The following MBNL1 variants were observed in gnomAD, a reference collection of about 807,000 sequenced individuals.
The protein encoded by MBNL1 is muscleblind like splicing regulator 1, also known as muscleblind-like protein 1.
Under a neutral mutation model 42.2 loss-of-function variants are expected in MBNL1, and 8 were observed. The observed-to-expected ratio is 0.19, with a 90% CI of 0.11 to 0.34. The LOEUF (loss-of-function observed/expected upper bound fraction) is 0.34. MBNL1 is among the 10% of genes least tolerant of loss of function. The probability of loss-of-function intolerance (pLI) is 1.00; values close to 1 mark genes in which losing one functional copy is unlikely to be tolerated. For synonymous variants in MBNL1, 169 were observed against 173.9 expected, an observed-to-expected ratio of 0.97 and a Z score of 0.22; for missense variants, 309 against 495.3, an observed-to-expected ratio of 0.62 and a Z score of 3.57.
At chr3:152,382,696 G>A (rs1489694629) in intron 2 of MBNL1, among the ~76,000 whole-genome samples, 1 of 152,096 alleles carries the variant, frequency 6.6e-6, no homozygotes, top group East Asian at 1.9e-4. Flanking sequence ...AAAAGGAGTT[G>A]AATAGGTTTC....
At chr3:152,373,218 AT>A (rs1390800879) in intron 2 of MBNL1, among the ~76,000 whole-genome samples, 1 of 151,752 alleles carries the variant, frequency 6.6e-6, no homozygotes, top group East Asian at 1.9e-4. Context: ...AAGCCAGTGG[AT>A]TTTAGCTTGC....
At chr3:152,339,072 A>G (rs983471169) in intron 2 of MBNL1, among the ~76,000 whole-genome samples, 1 of 152,178 alleles carries the variant, frequency 6.6e-6, no homozygotes, top group Non-Finnish European at 1.5e-5. Flanking sequence ...AAAACCAAAA[A>G]CATTTAATGA....
In MBNL1 at chr3:152,269,086, G is replaced by GT. The variant is rs1156903513; in HGVS notation, c.-795dup. The stretch of plus-strand genomic sequence containing the variant: ...GTGGGGCCGCCTCTGAAAAAAAAAT[G>GT]TGAGAGGTAAGTTTCCATTTTCACA... On this transcript the variant is annotated 5_prime_UTR_variant, in exon 1 of 10. It removes the in-frame stop codon of an upstream open reading frame in the 5' UTR. Transcript: ENST00000324210. 8 of 454,980 alleles carry GT rather than the reference G, an allele frequency of 1.8e-5. No homozygotes were observed. Among genetic ancestry groups the GT allele is most frequent in the Non-Finnish European group, 3.5e-5 (8 of 226,710 alleles). 28.2% of individuals were successfully genotyped at this position (454,980 alleles called of 1,614,324 possible). A position where few individuals can be genotyped will look rare whatever the true frequency, so the allele number is the denominator to read the frequency against.
intron 3 of MBNL1, among the ~76,000 whole-genome samples, chr3:152,431,794 T>A (rs1362119343): frequency 6.6e-6 from 1 of 152,210 alleles, no homozygotes; most frequent in African/African-American, 2.4e-5. Context: ...AGGTATGAAA[T>A]TGTGTTCTGT....
chr3:152,368,742 T>C (rs1206661688), intron 2 of MBNL1, among the ~76,000 whole-genome samples: 1 of 152,188 alleles, frequency 6.6e-6, no homozygotes, highest in East Asian at 1.9e-4. Flanking sequence ...TCCTTGTAAG[T>C]TATATTCCTA....
At chr3:152,313,772 A>G (rs1192711355) in intron 2 of MBNL1, among the ~76,000 whole-genome samples, 1 of 152,228 alleles carries the variant, frequency 6.6e-6, no homozygotes, top group East Asian at 1.9e-4. Context: ...GTGTGCACAT[A>G]CTAGCTTATT....
intron 2 of MBNL1, among the ~76,000 whole-genome samples, chr3:152,411,632 A>G (rs1377661216): frequency 6.6e-6 from 1 of 152,218 alleles, no homozygotes; most frequent in African/African-American, 2.4e-5. Context: ...GATTTAGAGT[A>G]GTAGCTCCAA....
intron 1 of MBNL1, among the ~76,000 whole-genome samples, chr3:152,295,581 G>C (rs2058212424): frequency 6.6e-6 from 1 of 152,122 alleles, no homozygotes; most frequent in Non-Finnish European, 1.5e-5. Context: ...GAAGACACTG[G>C]ACCTACACCC....
intron 2 of MBNL1, among the ~76,000 whole-genome samples, chr3:152,319,179 A>G (rs1560125161): frequency 6.6e-6 from 1 of 152,202 alleles, no homozygotes; most frequent in Non-Finnish European, 1.5e-5. Flanking sequence ...TGGGGGGCCT[A>G]AGTTTAAAAT....
At chr3:152,336,250 T>G (rs567039687) in intron 2 of MBNL1, among the ~76,000 whole-genome samples, 1 of 151,514 alleles carries the variant, frequency 6.6e-6, no homozygotes, top group South Asian at 2.1e-4. Context: ...CTCTTCCACT[T>G]TTTTGGGGGT....
In MBNL1 at chr3:152,244,690, C is replaced by T. The variant is rs373945247; in HGVS notation, n.333+250C>T. ...AAATTATTTTACCTGCAAAATAAAA[C>T]GTTATCTTTCTTGTGTATTTGTAAT... On this transcript the variant is annotated intron_variant and non_coding_transcript_variant, in intron 2 of 2. Coordinates refer to the MBNL1 transcript ENST00000477171. Among the ~76,000 whole-genome samples the T allele has an allele frequency of 1.8e-4, 28 of 152,038 alleles. No homozygotes were observed. In the East Asian group the frequency reaches 4.4e-3, roughly 24 times the overall value.
chr3:152,271,110 C>A (rs1208900161), intron 1 of MBNL1, among the ~76,000 whole-genome samples: 1 of 152,116 alleles, frequency 6.6e-6, no homozygotes, highest in Non-Finnish European at 1.5e-5. Context: ...TCTGCGCAGT[C>A]ATGCCAAAGA....
At chr3:152,367,633 A>G (rs1248755629) in intron 2 of MBNL1, among the ~76,000 whole-genome samples, 2 of 152,194 alleles carry the variant, frequency 1.3e-5, no homozygotes, top group Non-Finnish European at 2.9e-5. Context: ...GAACTAATTT[A>G]CAGTCCCACC....
At position 152,269,108 on chromosome 3, in the gene MBNL1, C is replaced by T. The variant is rs1026216538; in HGVS notation, c.-790+16C>T. 6.6e-6 allele frequency: 3 copies of T among 452,120 alleles called. No homozygotes were observed. Among genetic ancestry groups the T allele is most frequent in the Non-Finnish European group, 1.3e-5 (3 of 225,212 alleles). The allele number at this position is 452,120 out of a possible 1,614,324, so 28.0% of individuals were successfully genotyped here. ...AATGTGAGAGGTAAGTTTCCATTTT[C>T]ACAGTTTCCCCGCGCCGCTTCATTG... On this transcript the variant is annotated intron_variant, in intron 1 of 9. Transcript: ENST00000324210.
chr3:152,254,556 T>C (rs2035169421), intron 2 of MBNL1, among the ~76,000 whole-genome samples: 1 of 152,176 alleles, frequency 6.6e-6, no homozygotes, highest in Non-Finnish European at 1.5e-5. Flanking sequence ...TTTCAATATT[T>C]TTTTGTAATT....
intron 8 of MBNL1, among the ~76,000 whole-genome samples, chr3:152,457,279 T>C (rs1735541269): frequency 6.6e-6 from 1 of 152,180 alleles, no homozygotes; most frequent in South Asian, 2.1e-4. Flanking sequence ...TGATAGTGTA[T>C]GAAAAACATA....
intron 5 of MBNL1, among the ~76,000 whole-genome samples, chr3:152,446,404 G>A (rs1324565177): frequency 6.6e-6 from 1 of 151,884 alleles, no homozygotes. Flanking sequence ...ACAGAAGGCA[G>A]ACTCTCTCCT....
chr3:152,294,278 CTTTTTTTTTTTT>C (rs201018898), intron 1 of MBNL1, among the ~76,000 whole-genome samples: 46,145 of 121,338 alleles, frequency 0.38, 7,766 homozygotes, highest in East Asian at 0.59. Flanking sequence ...AAGTTTGATT[CTTTTTTTTTTTT>C]TTTTTTTTTT....
At chr3:152,457,977 C>G in intron 8 of MBNL1, 1 of 605,478 alleles carries the variant, frequency 1.7e-6, no homozygotes, top group Non-Finnish European at 3.0e-6. Flanking sequence ...TATATTATAT[C>G]TACATATACA....
Sources: allele counts gnomAD v4.1 joint callset (sites outside exome capture counted in the v4.1 genomes callset), GRCh38; gene constraint gnomAD v4.1.1; transcripts MANE v1.5; gene names NCBI Gene and HGNC (gene_info 2026-07-23, HGNC 2026-07-21).